Variants in CAMK1D observed in about 807,000 individuals in gnomAD.
CAMK1D encodes calcium/calmodulin dependent protein kinase ID.
In CAMK1D, 9 loss-of-function variants were observed where a neutral mutation model predicts 47.7. That is an observed-to-expected ratio of 0.19 (90% CI 0.11 to 0.33). The LOEUF (loss-of-function observed/expected upper bound fraction) is 0.33. Ranked by LOEUF, CAMK1D falls within the 10% of genes least tolerant of loss-of-function variation. The pLI is 1.00. For synonymous variants in CAMK1D, 184 were observed against 184.9 expected (o/e 0.99, Z 0.04); for missense variants, 291 against 488.7 (o/e 0.60, Z 3.81).
intron 1 of CAMK1D, among the ~76,000 whole-genome samples, chr10:12,483,327 A>G (rs117891393): frequency 0.02 from 3,051 of 151,812 alleles, 160 homozygotes; most frequent in Admixed American, 0.11. Context: ...CAGCCTCCCA[A>G]GTAGCTGAGA....
intron 3 of CAMK1D, among the ~76,000 whole-genome samples, chr10:12,694,635 A>G (rs1407725229): frequency 1.5e-5 from 2 of 129,326 alleles, no homozygotes; most frequent in Non-Finnish European, 3.2e-5. Flanking sequence ...TTAAAATATA[A>G]CTGTATAATT....
At chr10:12,440,449 G>A (rs955861982) in intron 1 of CAMK1D, among the ~76,000 whole-genome samples, 1 of 152,022 alleles carries the variant, frequency 6.6e-6, no homozygotes. Flanking sequence ...CACCACACCT[G>A]GCTAATTTTT....
chr10:12,523,591 G>A (rs1370019207), intron 1 of CAMK1D, among the ~76,000 whole-genome samples: 16 of 152,276 alleles, frequency 1.1e-4, no homozygotes, highest in East Asian at 3.9e-4. Flanking sequence ...AAAAAAATAC[G>A]AAAACCAGTC....
At chr10:12,365,540 G>A (rs551898210) in intron 1 of CAMK1D, among the ~76,000 whole-genome samples, 2 of 152,116 alleles carry the variant, frequency 1.3e-5, no homozygotes, top group African/African-American at 2.4e-5. Context: ...CCAGGTTCAC[G>A]CCATTCTCCT....
chr10:12,792,384 T>TA (rs1256672330), intron 6 of CAMK1D, among the ~76,000 whole-genome samples: 1 of 152,246 alleles, frequency 6.6e-6, no homozygotes, highest in Non-Finnish European at 1.5e-5. Flanking sequence ...TTATGGAACA[T>TA]ACTTTTAGGG....
chr10:12,517,731 T>C (rs1835252829), intron 1 of CAMK1D, among the ~76,000 whole-genome samples: 1 of 109,974 alleles, frequency 9.1e-6, no homozygotes, highest in Non-Finnish European at 2.0e-5. Context: ...CACGTAGTTG[T>C]GGTGTATTTT....
chr10:12,558,527 C>T lies in CAMK1D; in HGVS notation c.224+5171C>T, dbSNP rs539842657. 1.9e-4 allele frequency among the ~76,000 whole-genome samples: 29 copies of T among 149,232 alleles called. No homozygotes were observed. In the South Asian group the frequency reaches 6.1e-3, roughly 31 times the overall value. ...CGAGATCGTGCCGTTGCACTCCAAC[C>T]TGGGTAACAAGAGCAAAACTCCATC... On this transcript the variant is annotated intron_variant, in intron 2 of 10. Coordinates refer to ENST00000619168, the MANE Select transcript of CAMK1D (RefSeq NM_153498.4).
intron 1 of CAMK1D, among the ~76,000 whole-genome samples, chr10:12,537,338 G>A (rs1380675417): frequency 6.6e-6 from 1 of 152,146 alleles, no homozygotes; most frequent in Non-Finnish European, 1.5e-5. Flanking sequence ...TCCCAAAGTG[G>A]TAGGATTGCA....
intron 1 of CAMK1D, among the ~76,000 whole-genome samples, chr10:12,499,327 C>T (rs991689114): frequency 6.6e-6 from 1 of 152,044 alleles, no homozygotes; most frequent in Non-Finnish European, 1.5e-5. Flanking sequence ...GAGCAGATCC[C>T]TCTTTTCTCA....
intron 1 of CAMK1D, among the ~76,000 whole-genome samples, chr10:12,411,185 C>T (rs978970028): frequency 6.6e-6 from 1 of 152,198 alleles, no homozygotes; most frequent in Non-Finnish European, 1.5e-5. Flanking sequence ...TGGGACGGGA[C>T]GACCTCGACT....
intron 2 of CAMK1D, among the ~76,000 whole-genome samples, chr10:12,623,516 C>A (rs567211879): frequency 9.6e-4 from 141 of 146,830 alleles, no homozygotes; most frequent in African/African-American, 3.4e-3. Context: ...TCCTCCCTCC[C>A]TCTCTTCCTT....
At chr10:12,733,629 A>G (rs1379741267) in intron 3 of CAMK1D, among the ~76,000 whole-genome samples, 1 of 152,228 alleles carries the variant, frequency 6.6e-6, no homozygotes, top group African/African-American at 2.4e-5. Context: ...AGTGTTCTAG[A>G]AACATCAGAA....
Position 12,380,586 on chromosome 10 carries a change from A to G in CAMK1D, c.92+30676A>G, listed in dbSNP as rs180854171. 4.0e-4 allele frequency among the ~76,000 whole-genome samples: 61 copies of G among 152,272 alleles called. 1 individual carries two copies. Among genetic ancestry groups the G allele is most frequent in the East Asian group, 1.7e-3 (9 of 5,186 alleles). ...TTAAGACCATTTCTCAGCTGGGCGC[A>G]GTGGCTCATGCCTGTAATCCCAGCA... On this transcript the variant is annotated intron_variant, in intron 1 of 10. Transcript: ENST00000619168.
chr10:12,756,105 T>C (rs1836216583), intron 3 of CAMK1D, among the ~76,000 whole-genome samples: 1 of 152,228 alleles, frequency 6.6e-6, no homozygotes, highest in Non-Finnish European at 1.5e-5. Context: ...TCTCACAGCA[T>C]TGTACTGTTT....
In CAMK1D at chr10:12,539,747, G is replaced by A. The variant is rs191865174; in HGVS notation, c.93-13478G>A. Among the ~76,000 whole-genome samples, 525 of 152,314 alleles carry A rather than the reference G, an allele frequency of 3.4e-3. 1 individual carries two copies. The highest frequency in any genetic ancestry group is 0.012 in the African/African-American group (505 of 41,558). ...AGGTCCGCACAGGTGATGAACAAAG[G>A]GGGTATCCTGGGGGTTGCAGTTTCA... On this transcript the variant is annotated intron_variant, in intron 1 of 10. Transcript: ENST00000619168.
intron 1 of CAMK1D, among the ~76,000 whole-genome samples, chr10:12,419,382 G>A (rs1434295250): frequency 2.0e-5 from 3 of 152,148 alleles, no homozygotes. Context: ...ACACTGCGCA[G>A]TAACATTTTC....
rs74801958 is a variant in CAMK1D, at chr10:12,433,901, T to A, written c.92+83991T>A. Among the ~76,000 whole-genome samples the A allele has an allele frequency of 4.4e-3, 672 of 152,332 alleles. 7 individuals carry two copies. The East Asian group carries it at 0.062, about 14-fold the overall frequency. On this transcript the variant is annotated intron_variant, in intron 1 of 10. Coordinates refer to ENST00000619168, the MANE Select transcript of CAMK1D (RefSeq NM_153498.4). ...TGGGTGGGGATTTCAGGTCCCCCAG[T>A]GCATCCTTCTGTCTGGATTTAGTTG...
At chr10:12,357,250 C>G (rs1837546095) in intron 1 of CAMK1D, among the ~76,000 whole-genome samples, 1 of 152,112 alleles carries the variant, frequency 6.6e-6, no homozygotes, top group Admixed American at 6.5e-5. Context: ...CGGCTCACTG[C>G]AACCTCTGCC....
At chr10:12,418,128 C>T (rs1417554243) in intron 1 of CAMK1D, among the ~76,000 whole-genome samples, 1 of 152,184 alleles carries the variant, frequency 6.6e-6, no homozygotes, top group East Asian at 1.9e-4. Context: ...AAGCCCTCGC[C>T]CTGCCAGATG....
Sources: gnomAD v4.1 joint callset for allele counts (sites outside exome capture counted in the v4.1 genomes callset) on GRCh38, gnomAD v4.1.1 for gene constraint, MANE v1.5 for transcripts, NCBI Gene and HGNC (gene_info 2026-07-23, HGNC 2026-07-21) for gene names.